RIMS2: variants seen among roughly 807,000 people sequenced by gnomAD.
RIMS2 encodes the protein regulating synaptic membrane exocytosis 2, also known as regulating synaptic membrane exocytosis protein 2.
RIMS2 carries 59 observed loss-of-function variants against 174.4 expected under a neutral mutation model. The ratio of observed to expected loss-of-function variants is 0.34; its 90% CI spans 0.27 to 0.42. The LOEUF (loss-of-function observed/expected upper bound fraction) is 0.42. Among genes scored for constraint, RIMS2 ranks in the 10% least tolerant of loss-of-function variants. RIMS2 has a pLI of 1.00. For synonymous variants in RIMS2, 606 were observed against 572.5 expected (o/e 1.06, Z -0.84); for missense variants, 1,620 against 1,666.3 (o/e 0.97, Z 0.48).
intron 19 of RIMS2, among the ~76,000 whole-genome samples, chr8:104,018,565 T>G (rs959941600): frequency 6.6e-6 from 1 of 152,180 alleles, no homozygotes. Flanking sequence ...GACATACACC[T>G]ACCCTTTACC....
chr8:103,876,864 T>TTTTTATATATATA (rs1378279723), intron 3 of RIMS2, among the ~76,000 whole-genome samples: 1 of 68,104 alleles, frequency 1.5e-5, no homozygotes, highest in Non-Finnish European at 3.1e-5. Context: ...ACACACTATT[T>TTTTTATATATATA]TATATATATA....
chr8:103,928,235 A>G (rs1490831584), intron 11 of RIMS2, among the ~76,000 whole-genome samples: 2 of 151,488 alleles, frequency 1.3e-5, no homozygotes, highest in African/African-American at 2.4e-5. Flanking sequence ...CCTTTATTAC[A>G]CTAAGGTTGC....
At chr8:103,577,425 A>G (rs2093327111) in intron 1 of RIMS2, among the ~76,000 whole-genome samples, 3 of 152,192 alleles carry the variant, frequency 2.0e-5, no homozygotes, top group African/African-American at 4.8e-5. Context: ...GTGAGAACAC[A>G]TGGACACAGG....
intron 1 of RIMS2, chr8:103,569,083 C>T (rs1250674111): frequency 5.4e-6 from 2 of 368,808 alleles, no homozygotes; most frequent in Admixed American, 8.5e-5. Flanking sequence ...CTTTGTGCTT[C>T]AGTGTTATAT....
At chr8:103,769,853 TC>T (rs1436490284) in intron 3 of RIMS2, among the ~76,000 whole-genome samples, 1 of 152,208 alleles carries the variant, frequency 6.6e-6, no homozygotes, top group African/African-American at 2.4e-5. Flanking sequence ...CTGTATATCT[TC>T]TTTCCAAACC....
intron 1 of RIMS2, among the ~76,000 whole-genome samples, chr8:103,653,205 GT>G (rs2096482228): frequency 6.6e-6 from 1 of 152,046 alleles, no homozygotes; most frequent in South Asian, 2.1e-4. Flanking sequence ...ACTGAATCCT[GT>G]TTTTACTAAA....
chr8:103,691,743 G>C (rs1050058029), intron 1 of RIMS2, among the ~76,000 whole-genome samples: 1 of 152,150 alleles, frequency 6.6e-6, no homozygotes, highest in Non-Finnish European at 1.5e-5. Context: ...CTTGATGCTT[G>C]TGGGTGTTCT....
At chr8:103,693,055 C>T (rs1386662202) in intron 1 of RIMS2, among the ~76,000 whole-genome samples, 1 of 152,166 alleles carries the variant, frequency 6.6e-6, no homozygotes, top group Non-Finnish European at 1.5e-5. Flanking sequence ...AACTCTGGTT[C>T]CTACTGCTGT....
intron 1 of RIMS2, among the ~76,000 whole-genome samples, chr8:103,678,634 A>G (rs1024829809): frequency 1.3e-5 from 2 of 152,162 alleles, no homozygotes; most frequent in Non-Finnish European, 2.9e-5. Flanking sequence ...TCTTTCTGAA[A>G]CAACATATAG....
At chr8:104,118,603 A>G (rs1599307436) in intron 19 of RIMS2, among the ~76,000 whole-genome samples, 1 of 152,138 alleles carries the variant, frequency 6.6e-6, no homozygotes, top group East Asian at 1.9e-4. Flanking sequence ...TCCTGGCCTC[A>G]GGTGATCTGC....
At chr8:103,847,209 G>T (rs909408748) in intron 3 of RIMS2, among the ~76,000 whole-genome samples, 4 of 152,090 alleles carry the variant, frequency 2.6e-5, no homozygotes, top group Admixed American at 2.6e-4. Context: ...TGGATAACTG[G>T]CAGTAATGGT....
intron 1 of RIMS2, among the ~76,000 whole-genome samples, chr8:103,662,830 A>G (rs942870470): frequency 3.9e-5 from 6 of 152,196 alleles, no homozygotes; most frequent in African/African-American, 1.4e-4. Context: ...TGTGAACAGA[A>G]TAATAATGTC....
At chr8:103,998,305 G>GT in intron 17 of RIMS2, 1 of 1,166,152 alleles carries the variant, frequency 8.6e-7, no homozygotes, top group East Asian at 2.4e-5. Flanking sequence ...CCTGTGTATT[G>GT]ATATGATATA....
chr8:104,103,125 A>G (rs930763175), intron 19 of RIMS2, among the ~76,000 whole-genome samples: 9 of 152,188 alleles, frequency 5.9e-5, no homozygotes, highest in African/African-American at 2.2e-4. Context: ...TAAAAGAAGA[A>G]AGGCACAAAA....
chr8:104,215,848 C>T lies in RIMS2; in HGVS notation c.3335-29068C>T, dbSNP rs372355944. On this transcript the variant is annotated intron_variant, in intron 19 of 23. Coordinates refer to ENST00000504942, the Ensembl canonical transcript of RIMS2. ...GGAGACTGGGAAAAATAGAAGCCCT[C>T]ATGAGAAGCCCAAACTCTTGCCCAT... 3.3e-5 allele frequency among the ~76,000 whole-genome samples: 5 copies of T among 152,166 alleles called. No individual in the cohort carries two copies. The East Asian group carries it at 9.6e-4, about 29-fold the overall frequency.
intron 1 of RIMS2, among the ~76,000 whole-genome samples, chr8:103,579,229 T>A (rs1342566194): frequency 6.0e-5 from 9 of 150,010 alleles, no homozygotes; most frequent in Admixed American, 3.3e-4. Context: ...CAATACTCTC[T>A]CTCTCTCTCT....
At chr8:103,887,496 T>C in intron 4 of RIMS2, among the ~76,000 whole-genome samples, 1 of 151,658 alleles carries the variant, frequency 6.6e-6, no homozygotes, top group Non-Finnish European at 1.5e-5. Context: ...TAACTGTATA[T>C]TATCTCATTT....
At chr8:103,768,025 T>C (rs190048011) in intron 3 of RIMS2, among the ~76,000 whole-genome samples, 35 of 152,278 alleles carry the variant, frequency 2.3e-4, no homozygotes, top group Admixed American at 2.0e-4. Flanking sequence ...AACAAACACT[T>C]ACAGTCAGCA....
chr8:104,058,919 T>C (rs1325622110), intron 19 of RIMS2, among the ~76,000 whole-genome samples: 1 of 152,202 alleles, frequency 6.6e-6, no homozygotes, highest in Non-Finnish European at 1.5e-5. Flanking sequence ...TTCTGTTGCA[T>C]TGGTCTATAT....
Sources: gnomAD v4.1 joint callset for allele counts (sites outside exome capture counted in the v4.1 genomes callset) on GRCh38, gnomAD v4.1.1 for gene constraint, MANE v1.5 for transcripts, NCBI Gene and HGNC (gene_info 2026-07-23, HGNC 2026-07-21) for gene names.